TAMM41: variants seen among roughly 807,000 people sequenced by gnomAD.
TAMM41 encodes phosphatidate cytidylyltransferase, mitochondrial.
Under a neutral mutation model 44.1 loss-of-function variants are expected in TAMM41, and 36 were observed. That is an observed-to-expected ratio of 0.82 (90% CI 0.63 to 1.08). TAMM41 has a LOEUF of 1.08. Among genes scored for constraint, TAMM41 ranks in the 50% least tolerant of loss-of-function variants. The pLI is 0.00. For synonymous variants in TAMM41, 164 were observed against 153.1 expected (o/e 1.07, Z -0.53); for missense variants, 417 against 404.3 (o/e 1.03, Z -0.27).
At chr3:11,781,705 A>T in the TAMM41 span, among the ~76,000 whole-genome samples, 1 of 151,282 alleles carries the variant, frequency 6.6e-6, no homozygotes, top group Non-Finnish European at 1.5e-5. Flanking sequence ...ACTACACTCC[A>T]GCCTGGGTGA....
downstream of TAMM41, chr3:11,790,374 A>T (rs2077450348): frequency 3.4e-6 from 3 of 876,088 alleles, no homozygotes; most frequent in Admixed American, 6.6e-5. Flanking sequence ...CATACATTTA[A>T]AAAACCAAGT....
chr3:11,771,347 G>C, the TAMM41 span: 1 of 152,270 alleles, frequency 6.6e-6, no homozygotes, highest in Non-Finnish European at 1.5e-5. Context: ...GTTTTAGAAA[G>C]GCCCTGGGTT....
At chr3:11,826,118 T>A (rs1469525957) in intron 4 of TAMM41, among the ~76,000 whole-genome samples, 4 of 152,102 alleles carry the variant, frequency 2.6e-5, no homozygotes, top group African/African-American at 4.8e-5. Flanking sequence ...TGTCCATCAA[T>A]CACTGGATGA....
chr3:11,816,009 A>G (rs2124980686), intron 5 of TAMM41, among the ~76,000 whole-genome samples: 1 of 152,286 alleles, frequency 6.6e-6, no homozygotes, highest in Non-Finnish European at 1.5e-5. Context: ...ATGTGGCAAA[A>G]TCTGTTAAAC....
rs577008471 is a variant in TAMM41, at chr3:11,797,461, T to C, written c.938-6880A>G. On this transcript the variant is annotated intron_variant, in intron 7 of 7. Transcript: ENST00000455809. Reference sequence around the variant, plus strand: ...TTAGCCATATGCTGAAGATCGAAACTGGACCCTTCCTCATACCATATACAA... The same window carrying C: ...TTAGCCATATGCTGAAGATCGAAACCGGACCCTTCCTCATACCATATACAA... 7.2e-4 allele frequency among the ~76,000 whole-genome samples: 110 copies of C among 152,328 alleles called. No individual in the cohort carries two copies. The South Asian group carries it at 7.9e-3, about 11-fold the overall frequency.
At chr3:11,834,168 C>T (rs1052422190) in intron 3 of TAMM41, among the ~76,000 whole-genome samples, 6 of 152,018 alleles carry the variant, frequency 3.9e-5, no homozygotes, top group South Asian at 2.1e-4. Context: ...TGGTTGAGCC[C>T]GGGAGGTCGA....
chr3:11,829,655 C>T (rs1320746466), intron 4 of TAMM41, 59 bp downstream of exon 4: 17 of 1,582,190 alleles, frequency 1.1e-5, no homozygotes, highest in African/African-American at 1.3e-5. Context: ...ACAGGATATC[C>T]GCAGTCTTCA....
At chr3:11,792,955 G>A (rs59257851) in intron 7 of TAMM41, among the ~76,000 whole-genome samples, 12,489 of 151,380 alleles carry the variant, frequency 0.083, 1,193 homozygotes, top group East Asian at 0.48. Flanking sequence ...CAGCTACTTA[G>A]GAGGCTGGGA....
the TAMM41 span, among the ~76,000 whole-genome samples, chr3:11,746,008 T>C: frequency 6.6e-6 from 1 of 152,046 alleles, no homozygotes; most frequent in Non-Finnish European, 1.5e-5. Context: ...TTATAAACAT[T>C]TAAAAATTTA....
At chr3:11,813,106 C>T (rs1484939866) in intron 5 of TAMM41, among the ~76,000 whole-genome samples, 1 of 152,118 alleles carries the variant, frequency 6.6e-6, no homozygotes, top group Non-Finnish European at 1.5e-5. Flanking sequence ...AATTCCTAGC[C>T]CTTTTCCCTT....
chr3:11,832,221 G>A (rs1418892234), intron 3 of TAMM41, among the ~76,000 whole-genome samples: 3 of 150,686 alleles, frequency 2.0e-5, no homozygotes, highest in Admixed American at 1.3e-4. Context: ...TTGGCTCTTC[G>A]TATCTGTGGG....
At chr3:11,754,004 T>C in the TAMM41 span, among the ~76,000 whole-genome samples, 2 of 152,102 alleles carry the variant, frequency 1.3e-5, no homozygotes, top group African/African-American at 4.8e-5. Context: ...TCCCTGTCCA[T>C]CTCTGTTTTT....
the TAMM41 span, among the ~76,000 whole-genome samples, chr3:11,727,151 A>G: frequency 2.0e-5 from 3 of 152,234 alleles, no homozygotes; most frequent in Non-Finnish European, 4.4e-5. Flanking sequence ...TAGGAACTGT[A>G]GGCATCCTCC....
the TAMM41 span, among the ~76,000 whole-genome samples, chr3:11,751,839 C>T: frequency 4.6e-5 from 7 of 152,126 alleles, no homozygotes; most frequent in South Asian, 6.2e-4. Flanking sequence ...TTGCACTTAT[C>T]GATAGCCAGG....
chr3:11,731,438 T>C, the TAMM41 span, among the ~76,000 whole-genome samples: 3 of 152,038 alleles, frequency 2.0e-5, no homozygotes, highest in Non-Finnish European at 2.9e-5. Context: ...GAGGCTGCAG[T>C]GAGCCGTGAT....
chr3:11,787,058 T>C (rs959899557), downstream of TAMM41, among the ~76,000 whole-genome samples: 1 of 152,174 alleles, frequency 6.6e-6, no homozygotes, highest in Non-Finnish European at 1.5e-5. Context: ...TGTCTGGCAA[T>C]TGATGTTGGA....
chr3:11,746,066 C>T, the TAMM41 span, among the ~76,000 whole-genome samples: 2 of 151,992 alleles, frequency 1.3e-5, no homozygotes, highest in African/African-American at 2.4e-5. Flanking sequence ...TTTGGGAGGC[C>T]GAGGCAGGTG....
chr3:11,725,779 G>A, the TAMM41 span, among the ~76,000 whole-genome samples: 1 of 152,020 alleles, frequency 6.6e-6, no homozygotes, highest in Non-Finnish European at 1.5e-5. Flanking sequence ...AATGATTGCC[G>A]GCTGATCTCC....
chr3:11,827,326 A>T (rs562352138), intron 4 of TAMM41, among the ~76,000 whole-genome samples: 1 of 147,938 alleles, frequency 6.8e-6, no homozygotes, highest in South Asian at 2.1e-4. Context: ...TTTTTTTGAG[A>T]CACAAGACAG....
Sources: gnomAD v4.1 joint callset for allele counts (sites outside exome capture counted in the v4.1 genomes callset) on GRCh38, gnomAD v4.1.1 for gene constraint, MANE v1.5 for transcripts, NCBI Gene and HGNC (gene_info 2026-07-23, HGNC 2026-07-21) for gene names.